The following CDC14A variants were observed in gnomAD, a reference collection of about 807,000 sequenced individuals.
The protein encoded by CDC14A is dual specificity protein phosphatase CDC14A.
In CDC14A, 53 loss-of-function variants were observed where a neutral mutation model predicts 74.4. The ratio of observed to expected loss-of-function variants is 0.71; its 90% CI spans 0.57 to 0.89. The LOEUF is 0.89. Among genes scored for constraint, CDC14A ranks in the 40% least tolerant of loss-of-function variants. The probability of loss-of-function intolerance (pLI) is 0.00; values close to 1 mark genes in which losing one functional copy is unlikely to be tolerated. For synonymous variants in CDC14A, 247 were observed against 258.4 expected, an observed-to-expected ratio of 0.96 and a Z score of 0.43; for missense variants, 646 against 713.7, an observed-to-expected ratio of 0.91 and a Z score of 1.08.
intron 9 of CDC14A, among the ~76,000 whole-genome samples, chr1:100,466,033 G>A (rs959399988): frequency 6.6e-6 from 1 of 152,190 alleles, no homozygotes; most frequent in African/African-American, 2.4e-5. Flanking sequence ...ACTATTGAGT[G>A]CTAAGTGCGT....
At chr1:100,504,669 G>T (rs1365578491) in intron 15 of CDC14A, 1 of 609,844 alleles carries the variant, frequency 1.6e-6, no homozygotes, top group East Asian at 2.8e-5. Context: ...TCCCTGTTCA[G>T]AAATGACCAG....
In CDC14A at chr1:100,352,775, G is replaced by T; in HGVS notation, c.-180G>T. ...CTCGGGTTCCCCTCGGAATGTCCCCGGGGCGCCCGGCGCGCTGACCCCGAA... is the reference window on the plus strand; with the variant it reads ...CTCGGGTTCCCCTCGGAATGTCCCCTGGGCGCCCGGCGCGCTGACCCCGAA... On this transcript the variant is annotated 5_prime_UTR_variant, in exon 1 of 16. Coordinates refer to ENST00000336454, the MANE Select transcript of CDC14A (RefSeq NM_003672.4). 7.0e-7 allele frequency: 1 copy of T among 1,420,926 alleles called. No homozygotes were observed. Among genetic ancestry groups the T allele is most frequent in the South Asian group, 1.5e-5 (1 of 65,682 alleles). 88.0% of individuals were successfully genotyped at this position (1,420,926 alleles called of 1,614,324 possible).
At chr1:100,486,145 C>T (rs2101370635) in intron 11 of CDC14A, 1 of 152,274 alleles carries the variant, frequency 6.6e-6, no homozygotes, top group South Asian at 2.1e-4. Context: ...GTAAATAGGG[C>T]TTTGAGTTAT....
chr1:100,437,909 C>G (rs549357890), intron 5 of CDC14A, among the ~76,000 whole-genome samples: 1 of 151,486 alleles, frequency 6.6e-6, no homozygotes, highest in Non-Finnish European at 1.5e-5. Flanking sequence ...ATTTTTACCC[C>G]CTTTTAAAAA....
chr1:100,444,723 A>G (rs910757785), intron 7 of CDC14A, among the ~76,000 whole-genome samples: 1 of 152,034 alleles, frequency 6.6e-6, no homozygotes, highest in Non-Finnish European at 1.5e-5. Context: ...CTTCAATTTC[A>G]TGTGTTACAA....
intron 11 of CDC14A, among the ~76,000 whole-genome samples, chr1:100,487,983 A>C (rs1174348920): frequency 6.6e-6 from 1 of 152,204 alleles, no homozygotes; most frequent in Non-Finnish European, 1.5e-5. Flanking sequence ...ATGTGAATGG[A>C]TGAAGAAGGC....
intron 15 of CDC14A, among the ~76,000 whole-genome samples, chr1:100,515,669 G>A (rs1458649374): frequency 6.6e-6 from 1 of 151,944 alleles, no homozygotes; most frequent in East Asian, 1.9e-4. Context: ...ACAGGTGTGA[G>A]CCACTGTGGC....
chr1:100,465,187 T>G (rs1667679337), intron 9 of CDC14A, among the ~76,000 whole-genome samples: 1 of 152,166 alleles, frequency 6.6e-6, no homozygotes, highest in Admixed American at 6.5e-5. Context: ...GGTCTTGAAC[T>G]CCTGACCTCA....
chr1:100,516,212 G>A (rs1372769177), intron 15 of CDC14A, among the ~76,000 whole-genome samples: 3 of 151,932 alleles, frequency 2.0e-5, no homozygotes. Flanking sequence ...CAGTTCACTG[G>A]GTACTGTGAT....
rs1253961891 is a variant in CDC14A at position 100,518,872 on chromosome 1, A to G, written c.*592A>G. The G allele has an allele frequency of 6.6e-6, 1 of 152,418 alleles. No individual in the cohort carries two copies. Among genetic ancestry groups the G allele is most frequent in the Non-Finnish European group, 1.5e-5 (1 of 68,018 alleles). 9.4% of individuals were successfully genotyped at this position (152,418 alleles called of 1,614,324 possible). A position where few individuals can be genotyped will look rare whatever the true frequency, so the allele number is the denominator to read the frequency against. On this transcript the variant is annotated 3_prime_UTR_variant, in exon 16 of 16. Transcript: ENST00000336454. The stretch of plus-strand genomic sequence containing the variant: ...TGGCAGGTCAGTTCATTCTTTTGGG[A>G]AGTCAGTTTAGTTACACTGAGTTTA...
chr1:100,517,091 GT>G (rs1650296649), intron 15 of CDC14A, among the ~76,000 whole-genome samples: 1 of 152,180 alleles, frequency 6.6e-6, no homozygotes, highest in Non-Finnish European at 1.5e-5. Flanking sequence ...GCCCTTTGCG[GT>G]CAGGGACCAT....
At chr1:100,380,874 G>C (rs907241285) in intron 3 of CDC14A, among the ~76,000 whole-genome samples, 1 of 152,196 alleles carries the variant, frequency 6.6e-6, no homozygotes, top group Non-Finnish European at 1.5e-5. Context: ...TGACTGGGAT[G>C]CCCTTACCCT....
At chr1:100,482,685 A>G (rs1035566943) in intron 10 of CDC14A, among the ~76,000 whole-genome samples, 10 of 151,928 alleles carry the variant, frequency 6.6e-5, no homozygotes, top group African/African-American at 2.4e-4. Flanking sequence ...TGTGTGTTTC[A>G]TTTATCTGAA....
chr1:100,484,800 G>C (rs1669865959), intron 11 of CDC14A: 2 of 988,288 alleles, frequency 2.0e-6, no homozygotes, highest in East Asian at 1.1e-4. Flanking sequence ...TACCACAAGT[G>C]GTGCTTTGAA....
Position 100,353,143 on chromosome 1 carries a change from C to T in CDC14A, c.49+140C>T. On this transcript the variant is annotated intron_variant, in intron 1 of 15. Transcript: ENST00000336454. ...CGCTCTCGTCCCCTCTAGGGACTCT[C>T]CTTTCTCCGAGGACCCCCTGCTTCC... 2 of 869,852 alleles carry T rather than the reference C, an allele frequency of 2.3e-6. 1 individual carries two copies. Among genetic ancestry groups the T allele is most frequent in the South Asian group, 2.9e-5 (2 of 69,490 alleles). 53.9% of individuals were successfully genotyped at this position (869,852 alleles called of 1,614,324 possible).
At chr1:100,436,333 T>C (rs1215482618) in intron 5 of CDC14A, among the ~76,000 whole-genome samples, 2 of 152,314 alleles carry the variant, frequency 1.3e-5, no homozygotes, top group African/African-American at 4.8e-5. Context: ...ATTTTAGTCA[T>C]TTCCTTTATC....
chr1:100,431,959 A>T (rs1663741977), intron 5 of CDC14A, among the ~76,000 whole-genome samples: 1 of 152,210 alleles, frequency 6.6e-6, no homozygotes, highest in Non-Finnish European at 1.5e-5. Flanking sequence ...AGTTCTAGAC[A>T]GATTTTATTC....
intron 9 of CDC14A, among the ~76,000 whole-genome samples, chr1:100,467,589 TCACCCTCATCCCTTTC>T (rs1352002804): frequency 1.3e-5 from 2 of 152,100 alleles, no homozygotes; most frequent in Non-Finnish European, 2.9e-5. Flanking sequence ...TTGCAGTTGC[TCACCCTCATCCCTTTC>T]CACCCTCATC....
At chr1:100,439,801 A>G in intron 5 of CDC14A, 131 bp from the exon 6 acceptor site, 1 of 651,516 alleles carries the variant, frequency 1.5e-6, no homozygotes, top group Non-Finnish European at 2.7e-6. Context: ...GATCTAATGT[A>G]TTATATAAGT....
Sources: gnomAD v4.1 joint callset for allele counts (sites outside exome capture counted in the v4.1 genomes callset) on GRCh38, gnomAD v4.1.1 for gene constraint, MANE v1.5 for transcripts, NCBI Gene and HGNC (gene_info 2026-07-23, HGNC 2026-07-21) for gene names.